ZMYND11: variants seen among roughly 807,000 people sequenced by gnomAD.
ZMYND11 encodes the protein zinc finger MYND domain-containing protein 11.
ZMYND11 carries 9 observed loss-of-function variants against 84.9 expected under a neutral mutation model. The ratio of observed to expected loss-of-function variants is 0.11; its 90% CI spans 0.06 to 0.18. The LOEUF (loss-of-function observed/expected upper bound fraction) is 0.18. Ranked by LOEUF, ZMYND11 falls within the 10% of genes least tolerant of loss-of-function variation. The pLI is 1.00. For synonymous variants in ZMYND11, 250 were observed against 244.1 expected (o/e 1.02, Z -0.23); for missense variants, 409 against 761.0 (o/e 0.54, Z 5.44).
At chr10:167,577 T>C (rs1554764286) in intron 1 of ZMYND11, among the ~76,000 whole-genome samples, 1 of 152,114 alleles carries the variant, frequency 6.6e-6, no homozygotes, top group East Asian at 1.9e-4. Flanking sequence ...CCATTCTTAA[T>C]CTAATGTACT....
At chr10:188,553 C>G (rs1416273542) in intron 2 of ZMYND11, among the ~76,000 whole-genome samples, 1 of 147,838 alleles carries the variant, frequency 6.8e-6, no homozygotes, top group Non-Finnish European at 1.5e-5. Flanking sequence ...GATTGTTCCA[C>G]TGTGCTCCGG....
chr10:199,509 A>T (rs748525463), intron 2 of ZMYND11, among the ~76,000 whole-genome samples: 8 of 152,034 alleles, frequency 5.3e-5, no homozygotes, highest in Non-Finnish European at 1.2e-4. Context: ...GCTCTCTTGC[A>T]GTCTTGACTT....
chr10:197,192 C>G (rs961409138), intron 2 of ZMYND11, among the ~76,000 whole-genome samples: 1 of 150,818 alleles, frequency 6.6e-6, no homozygotes, highest in Non-Finnish European at 1.5e-5. Context: ...GCTTTTAGTT[C>G]ACGTGTGTGC....
rs1835783363 is a variant in ZMYND11 at position 135,630 on chromosome 10, T to G, written c.-20+71T>G. On this transcript the variant is annotated intron_variant, in intron 1 of 14. Transcript: ENST00000381604. This position sits in a 1 kb window ranked among gnomAD's most constrained non-coding sequence, Gnocchi z 5.6. ...CGTGGAGATGGCGCGGCCCGCGCGG[T>G]GGAGCCTGCCTGGCCGCGGCCTCTG... 1 of 147,150 alleles carries G rather than the reference T, an allele frequency of 6.8e-6. No individual in the cohort carries two copies. Among genetic ancestry groups the G allele is most frequent in the Admixed American group, 6.7e-5 (1 of 14,856 alleles). The allele number at this position is 147,150 out of a possible 1,614,324, so 9.1% of individuals were successfully genotyped here.
intron 3 of ZMYND11, among the ~76,000 whole-genome samples, chr10:217,044 A>G (rs1946296129): frequency 6.6e-6 from 1 of 152,216 alleles, no homozygotes; most frequent in Non-Finnish European, 1.5e-5. Flanking sequence ...GTTGTGTAAT[A>G]TTTATCTACT....
In ZMYND11 at chr10:135,784, C is replaced by G. The variant is rs1448403753; in HGVS notation, c.-20+225C>G. Among the ~76,000 whole-genome samples the G allele has an allele frequency of 6.8e-6, 1 of 147,902 alleles. No homozygotes were observed. Among genetic ancestry groups the G allele is most frequent in the Non-Finnish European group, 1.5e-5 (1 of 66,396 alleles). On this transcript the variant is annotated intron_variant, in intron 1 of 14. Coordinates refer to ENST00000381604, the MANE Select transcript of ZMYND11 (RefSeq NM_001370100.5). The surrounding 1 kb of genome is among the most constrained non-coding windows in gnomAD (Gnocchi z 5.6). Reference sequence around the variant, plus strand: ...GGGCCTGCGAGGGCGGCGGCGGGGCCTGCGGAGGCTGCCGGCCCGCGCCCA... The same window carrying G: ...GGGCCTGCGAGGGCGGCGGCGGGGCGTGCGGAGGCTGCCGGCCCGCGCCCA...
At chr10:242,213 A>G in intron 10 of ZMYND11, 74 bp downstream of exon 10, 1 of 1,554,288 alleles carries the variant, frequency 6.4e-7, no homozygotes, top group Non-Finnish European at 8.7e-7. Flanking sequence ...TGATTTCTCC[A>G]TCAGAGATGC....
intron 1 of ZMYND11, among the ~76,000 whole-genome samples, chr10:172,303 GAAAT>G (rs527958254): frequency 4.6e-5 from 7 of 152,134 alleles, no homozygotes; most frequent in Non-Finnish European, 7.4e-5. Flanking sequence ...TGGGAAAAAA[GAAAT>G]AAAACTGTCT....
At chr10:249,711 A>ATTAGGGAAAAGTT in intron 14 of ZMYND11, 5 of 985,406 alleles carry the variant, frequency 5.1e-6, no homozygotes, top group Non-Finnish European at 6.0e-6. Flanking sequence ...TGCTCAGTGA[A>ATTAGGGAAAAGTT]TTAGGGAAAA....
At chr10:170,296 A>G (rs1554765287) in intron 1 of ZMYND11, among the ~76,000 whole-genome samples, 1 of 152,182 alleles carries the variant, frequency 6.6e-6, no homozygotes, top group African/African-American at 2.4e-5. Context: ...TATTTCAGTT[A>G]GAAACCTGGA....
chr10:186,489 A>C (rs559156174), intron 2 of ZMYND11, among the ~76,000 whole-genome samples: 10 of 151,922 alleles, frequency 6.6e-5, no homozygotes, highest in African/African-American at 2.4e-4. Context: ...AAAAATACAA[A>C]AATTAGCTAG....
chr10:162,194 G>T (rs1201736382), intron 1 of ZMYND11, among the ~76,000 whole-genome samples: 1 of 152,176 alleles, frequency 6.6e-6, no homozygotes, highest in African/African-American at 2.4e-5. Flanking sequence ...AGTTGGTGGG[G>T]CAGTCAGAAC....
At chr10:134,220 C>T (rs1417900824), upstream of ZMYND11, among the ~76,000 whole-genome samples, 1 of 152,158 alleles carries the variant, frequency 6.6e-6, no homozygotes, top group Admixed American at 6.5e-5. Flanking sequence ...AATTATAACA[C>T]TATACTGTAG....
At chr10:237,005 A>C (rs1232112621) in intron 5 of ZMYND11, 90 bp downstream of exon 5, 4 of 1,229,102 alleles carry the variant, frequency 3.3e-6, no homozygotes, top group Non-Finnish European at 3.5e-6. Context: ...GAGAAGTAAC[A>C]AATATGTACA....
chr10:222,437 A>C (rs1227698673), intron 4 of ZMYND11, among the ~76,000 whole-genome samples: 1 of 152,188 alleles, frequency 6.6e-6, no homozygotes, highest in Non-Finnish European at 1.5e-5. Flanking sequence ...TCAAATGCCT[A>C]GGTGCCAAAT....
intron 1 of ZMYND11, among the ~76,000 whole-genome samples, chr10:158,536 C>G (rs992330437): frequency 6.6e-6 from 1 of 151,402 alleles, no homozygotes; most frequent in Non-Finnish European, 1.5e-5. Context: ...TTGACTTCAG[C>G]CTCCTGAGTA....
At chr10:218,263 T>A (rs1486744975) in intron 3 of ZMYND11, among the ~76,000 whole-genome samples, 1 of 152,224 alleles carries the variant, frequency 6.6e-6, no homozygotes, top group Non-Finnish European at 1.5e-5. Flanking sequence ...TATGTTTGCA[T>A]GCTTCTGTCT....
intron 4 of ZMYND11, among the ~76,000 whole-genome samples, chr10:231,503 C>T (rs1949012277): frequency 6.6e-6 from 1 of 152,176 alleles, no homozygotes; most frequent in South Asian, 2.1e-4. Context: ...AAAACTATAT[C>T]GCTATAAAGA....
intron 1 of ZMYND11, among the ~76,000 whole-genome samples, chr10:142,557 T>C (rs1156752882): frequency 1.3e-5 from 2 of 152,166 alleles, no homozygotes; most frequent in Non-Finnish European, 2.9e-5. Context: ...CATAGAGACA[T>C]AATCAAATTG....
Sources: allele counts gnomAD v4.1 joint callset (sites outside exome capture counted in the v4.1 genomes callset), GRCh38; gene constraint gnomAD v4.1.1; non-coding constraint Gnocchi (gnomAD v3.1); transcripts MANE v1.5; gene names NCBI Gene and HGNC (gene_info 2026-07-23, HGNC 2026-07-21).